Variants in GK observed in about 807,000 individuals in gnomAD.
GK encodes ATP:glycerol 3-phosphotransferase.
GK carries 9 observed loss-of-function variants against 56.4 expected under a neutral mutation model. The observed-to-expected ratio is 0.16, with a 90% CI of 0.10 to 0.28. The LOEUF (loss-of-function observed/expected upper bound fraction) is 0.28, where lower values mean the gene tolerates loss of function less well. GK is among the 10% of genes least tolerant of loss of function. The pLI is 1.00. For missense variants in GK, 161 were observed against 431.4 expected, an observed-to-expected ratio of 0.37 and a Z score of 5.55; for synonymous variants, 104 against 144.1, an observed-to-expected ratio of 0.72 and a Z score of 1.99.
At position 30,723,166 on chromosome X, in the gene GK, C is replaced by G. The variant is rs758210752; in HGVS notation, c.1502-935C>G. 4.9e-4 allele frequency among the ~76,000 whole-genome samples: 55 copies of G among 111,300 alleles called. 1 individual carries two copies. Among genetic ancestry groups the G allele is most frequent in the African/African-American group, 1.7e-3 (53 of 30,666 alleles). On this transcript the variant is annotated intron_variant, in intron 18 of 20. Transcript: ENST00000427190. ...ATCCCAGCACTTTGGGAAGCCGAGG[C>G]GGGCGGATCACGAGGTCAGGAGATC...
At chrX:30,718,712 G>A in intron 14 of GK, 96 bp downstream of exon 14, 3 of 546,281 alleles carry the variant, frequency 5.5e-6, no homozygotes, top group East Asian at 7.1e-5. Flanking sequence ...TGCCCCAAAT[G>A]TGATCCATAA....
At chrX:30,727,872 A>G (rs913510952) in intron 20 of GK, among the ~76,000 whole-genome samples, 13 of 111,935 alleles carry the variant, frequency 1.2e-4, no homozygotes, top group Non-Finnish European at 2.1e-4. Flanking sequence ...CTGAAAGTTA[A>G]AGTATACTTT....
Position 30,696,164 on chromosome X carries a change from T to G in GK, c.662+13T>G. ...AACAACTCTGCGAGTAAGTTCTGTT[T>G]TGCTCTAAATATAGTTTTCCCAATA... On this transcript the variant is annotated intron_variant, in intron 7 of 20. Coordinates refer to ENST00000427190, the MANE Select transcript of GK (RefSeq NM_001205019.2). 1.1e-6 allele frequency: 1 copy of G among 917,543 alleles called. No homozygotes were observed. The highest frequency in any genetic ancestry group is 1.6e-6 in the Non-Finnish European group (1 of 628,493). 75.6% of individuals were successfully genotyped at this position (917,543 alleles called of 1,213,427 possible). A position where few individuals can be genotyped will look rare whatever the true frequency, so the allele number is the denominator to read the frequency against.
intron 3 of GK, among the ~76,000 whole-genome samples, chrX:30,675,389 G>A (rs1933816210): frequency 9.3e-6 from 1 of 107,820 alleles, no homozygotes; most frequent in African/African-American, 3.4e-5. Context: ...AGTAGAGATG[G>A]GGTTTCACCG....
At chrX:30,725,459 A>G (rs903420839) in intron 19 of GK, among the ~76,000 whole-genome samples, 3 of 111,874 alleles carry the variant, frequency 2.7e-5, no homozygotes, top group African/African-American at 9.7e-5. Context: ...ACCCTTTACA[A>G]CTAAACTTCT....
At chrX:30,662,746 TTTCC>T (rs63056165) in intron 1 of GK, among the ~76,000 whole-genome samples, 20,277 of 97,197 alleles carry the variant, frequency 0.21, 2,184 homozygotes, top group African/African-American at 0.28. Context: ...TCCTTCTTTC[TTTCC>T]TTCCTTCCTT....
chrX:30,713,066 A>G (rs1020018263), intron 13 of GK, among the ~76,000 whole-genome samples: 1 of 111,404 alleles, frequency 9.0e-6, no homozygotes, highest in Non-Finnish European at 1.9e-5. Context: ...ATTTCTTCGT[A>G]TAGTTTAGAA....
intron 1 of GK, among the ~76,000 whole-genome samples, chrX:30,661,025 G>T (rs1457094901): frequency 9.1e-6 from 1 of 109,399 alleles, no homozygotes; most frequent in Non-Finnish European, 1.9e-5. Context: ...GGTTGGTCAG[G>T]ATGGTCTTGA....
intron 1 of GK, among the ~76,000 whole-genome samples, chrX:30,659,145 C>T (rs1932536372): frequency 9.0e-6 from 1 of 111,568 alleles, no homozygotes; most frequent in Non-Finnish European, 1.9e-5. Context: ...GATTCCCCTG[C>T]CTAGCCTCCC....
intron 13 of GK, among the ~76,000 whole-genome samples, chrX:30,710,662 A>G (rs1382204113): frequency 9.0e-6 from 1 of 111,594 alleles, no homozygotes. Context: ...TGGAGATAGG[A>G]AAATTTTAGT....
chrX:30,659,641 T>G (rs1305010593), intron 1 of GK, among the ~76,000 whole-genome samples: 1 of 112,409 alleles, frequency 8.9e-6, no homozygotes, highest in Admixed American at 9.4e-5. Flanking sequence ...ATAGGATGAG[T>G]GAGGCAAGCC....
chrX:30,666,594 G>A (rs1015911928), intron 2 of GK, among the ~76,000 whole-genome samples: 3 of 111,697 alleles, frequency 2.7e-5, no homozygotes, highest in African/African-American at 6.5e-5. Context: ...GTGTGCTTTC[G>A]ATTTGTGCAT....
chrX:30,656,846 TTTTTA>T (rs902750107), intron 1 of GK, among the ~76,000 whole-genome samples: 1 of 112,343 alleles, frequency 8.9e-6, no homozygotes, highest in African/African-American at 3.2e-5. Context: ...ACTGAATTAT[TTTTTA>T]TTTTATTTTA....
intron 3 of GK, 127 bp from the exon 4 acceptor site, chrX:30,677,248 A>C: frequency 1.9e-6 from 1 of 520,370 alleles, no homozygotes; most frequent in South Asian, 2.5e-5. Flanking sequence ...ATCACTACAA[A>C]TGTTTCAAGT....
chrX:30,657,290 A>G (rs1932369772), intron 1 of GK, among the ~76,000 whole-genome samples: 1 of 112,738 alleles, frequency 8.9e-6, no homozygotes, highest in African/African-American at 3.2e-5. Context: ...TTGTCAAAGA[A>G]TTAATCTTGG....
intron 4 of GK, among the ~76,000 whole-genome samples, chrX:30,688,695 C>T (rs1934760502): frequency 9.0e-6 from 1 of 111,156 alleles, no homozygotes; most frequent in African/African-American, 3.3e-5. Flanking sequence ...TCCTGGTATG[C>T]TTTATAGGAA....
At chrX:30,692,398 T>C (rs898316398) in intron 5 of GK, among the ~76,000 whole-genome samples, 3 of 111,914 alleles carry the variant, frequency 2.7e-5, no homozygotes, top group African/African-American at 9.7e-5. Flanking sequence ...ACCTCGCTAT[T>C]GACTTTGTGA....
intron 1 of GK, among the ~76,000 whole-genome samples, chrX:30,662,709 T>TTTTCTTTCTTTC (rs201163775): frequency 1.7e-4 from 17 of 102,752 alleles, no homozygotes; most frequent in Admixed American, 1.4e-3. Context: ...CTCTTTCTCT[T>TTTTCTTTCTTTC]TTTCTTTCTT....
intron 5 of GK, among the ~76,000 whole-genome samples, chrX:30,691,469 T>A (rs1372834976): frequency 1.5e-5 from 1 of 68,464 alleles, no homozygotes; most frequent in Non-Finnish European, 2.6e-5. Flanking sequence ...CAAGGGGTGC[T>A]TTTTTTTTTT....
Sources: gnomAD v4.1 joint callset for allele counts (sites outside exome capture counted in the v4.1 genomes callset) on GRCh38, gnomAD v4.1.1 for gene constraint, MANE v1.5 for transcripts, NCBI Gene and HGNC (gene_info 2026-07-23, HGNC 2026-07-21) for gene names.